The following KCNH7 variants were observed in gnomAD, a reference collection of about 807,000 sequenced individuals.
The protein encoded by KCNH7 is voltage-gated inwardly rectifying potassium channel KCNH7.
KCNH7 carries 49 observed loss-of-function variants against 120.8 expected under a neutral mutation model. The ratio of observed to expected loss-of-function variants is 0.41; its 90% CI spans 0.32 to 0.51. KCNH7 has a LOEUF of 0.51. Among genes scored for constraint, KCNH7 ranks in the 20% least tolerant of loss-of-function variants. KCNH7 has a pLI of 0.38. For missense variants in KCNH7, 1,097 were observed against 1,446.6 expected (o/e 0.76, Z 3.92); for synonymous variants, 547 against 516.1 (o/e 1.06, Z -0.81).
At chr2:162,773,578 GTTAAC>G (rs1407342884) in intron 2 of KCNH7, among the ~76,000 whole-genome samples, 4 of 148,348 alleles carry the variant, frequency 2.7e-5, no homozygotes, top group African/African-American at 7.7e-5. Context: ...TAAAAATAGT[GTTAAC>G]TTATGACTCA....
chr2:162,379,784 G>C, intron 14 of KCNH7, 69 bp downstream of exon 14: 1 of 1,448,284 alleles, frequency 6.9e-7, no homozygotes, highest in Non-Finnish European at 9.4e-7. Context: ...TTTTCCATTT[G>C]TAAGGAGTAA....
chr2:162,721,003 G>A (rs183240167), intron 2 of KCNH7, among the ~76,000 whole-genome samples: 13 of 152,052 alleles, frequency 8.5e-5, no homozygotes, highest in South Asian at 2.1e-4. Flanking sequence ...CCTGAGGTGC[G>A]GTGCTTGCAG....
intron 7 of KCNH7, among the ~76,000 whole-genome samples, chr2:162,443,463 G>T (rs1170947003): frequency 6.6e-6 from 1 of 152,092 alleles, no homozygotes; most frequent in African/African-American, 2.4e-5. Flanking sequence ...CTTCACCAAA[G>T]AAATGTTTCA....
intron 2 of KCNH7, among the ~76,000 whole-genome samples, chr2:162,834,155 A>C (rs1685571880): frequency 6.6e-6 from 1 of 152,192 alleles, no homozygotes; most frequent in South Asian, 2.1e-4. Context: ...AGACTATCCA[A>C]GAATTTGTAT....
At chr2:162,614,787 T>A (rs980228906) in intron 2 of KCNH7, among the ~76,000 whole-genome samples, 2 of 150,538 alleles carry the variant, frequency 1.3e-5, no homozygotes, top group African/African-American at 2.4e-5. Context: ...GGATAGTTAC[T>A]TTTTCTAGGT....
chr2:162,822,899 G>T (rs2105596919), intron 2 of KCNH7, among the ~76,000 whole-genome samples: 1 of 152,300 alleles, frequency 6.6e-6, no homozygotes, highest in East Asian at 1.9e-4. Context: ...ACAGCTGGAG[G>T]CAGATGTTTA....
chr2:162,371,740 C>CTA lies in KCNH7; in HGVS notation c.*88_*89insTA. 1.6e-6 allele frequency: 2 copies of CTA among 1,258,784 alleles called. No homozygotes were observed. The highest frequency in any genetic ancestry group is 2.2e-6 in the Non-Finnish European group (2 of 909,422). 78.0% of individuals were successfully genotyped at this position (1,258,784 alleles called of 1,614,324 possible). A position where few individuals can be genotyped will look rare whatever the true frequency, so the allele number is the denominator to read the frequency against. The stretch of plus-strand genomic sequence containing the variant: ...GCATATAATGGTACCTTGTGAGCCC[C>CTA]TGAGTCAAGTAGAGAGGATTTAAAT... On this transcript the variant is annotated 3_prime_UTR_variant, in exon 16 of 16. Coordinates refer to ENST00000332142, the MANE Select transcript of KCNH7 (RefSeq NM_033272.4).
intron 2 of KCNH7, among the ~76,000 whole-genome samples, chr2:162,727,285 T>G (rs1054656602): frequency 6.6e-5 from 10 of 152,136 alleles, no homozygotes; most frequent in African/African-American, 2.4e-4. Flanking sequence ...TTTATTAAGA[T>G]TTTTTTGTCT....
chr2:162,757,641 T>G (rs2105445005), intron 2 of KCNH7, among the ~76,000 whole-genome samples: 1 of 152,262 alleles, frequency 6.6e-6, no homozygotes, highest in Admixed American at 6.5e-5. Context: ...CACAGATACT[T>G]ATTTCTTCAG....
chr2:162,718,118 T>C (rs1687195455), intron 2 of KCNH7, among the ~76,000 whole-genome samples: 1 of 151,936 alleles, frequency 6.6e-6, no homozygotes, highest in African/African-American at 2.4e-5. Flanking sequence ...GGAAGGCTTA[T>C]AAAGAATTTG....
At chr2:162,444,822 G>A (rs1447107355) in intron 7 of KCNH7, among the ~76,000 whole-genome samples, 1 of 151,954 alleles carries the variant, frequency 6.6e-6, no homozygotes, top group Non-Finnish European at 1.5e-5. Flanking sequence ...CCCAAAGTTA[G>A]GAGTAGCTAA....
At chr2:162,456,640 G>T (rs573074055) in intron 6 of KCNH7, among the ~76,000 whole-genome samples, 2 of 152,202 alleles carry the variant, frequency 1.3e-5, no homozygotes, top group South Asian at 4.1e-4. Context: ...GGGAGTCTAA[G>T]TCTCTTTGTA....
intron 2 of KCNH7, among the ~76,000 whole-genome samples, chr2:162,735,503 C>G (rs2105399342): frequency 6.6e-6 from 1 of 152,274 alleles, no homozygotes; most frequent in South Asian, 2.1e-4. Flanking sequence ...TAGATAATGT[C>G]ACTATTGCAA....
chr2:162,658,523 T>G (rs1684849090), intron 2 of KCNH7, among the ~76,000 whole-genome samples: 1 of 152,172 alleles, frequency 6.6e-6, no homozygotes, highest in Non-Finnish European at 1.5e-5. Context: ...TTGATATTTA[T>G]ATCAACAAAT....
At chr2:162,708,996 A>G (rs1686823852) in intron 2 of KCNH7, among the ~76,000 whole-genome samples, 1 of 152,106 alleles carries the variant, frequency 6.6e-6, no homozygotes, top group Non-Finnish European at 1.5e-5. Flanking sequence ...AATTATACAA[A>G]TGAAAGAATC....
At chr2:162,538,102 T>C (rs1692173485) in intron 2 of KCNH7, 2 of 152,114 alleles carry the variant, frequency 1.3e-5, no homozygotes, top group Non-Finnish European at 2.9e-5. Flanking sequence ...CAGAAGGTGT[T>C]CTTAATCATT....
intron 6 of KCNH7, among the ~76,000 whole-genome samples, chr2:162,453,123 A>G (rs1033514485): frequency 1.3e-5 from 2 of 151,762 alleles, no homozygotes; most frequent in African/African-American, 2.4e-5. Flanking sequence ...CCCTACCCCA[A>G]CAGGCCTCTG....
intron 2 of KCNH7, among the ~76,000 whole-genome samples, chr2:162,731,232 A>ATG (rs35948876): frequency 1.7e-3 from 241 of 143,320 alleles, no homozygotes; most frequent in Middle Eastern, 3.6e-3. Flanking sequence ...ATATATATAT[A>ATG]TGTGTGTGTG....
At chr2:162,461,569 TG>T (rs1389957448) in intron 6 of KCNH7, among the ~76,000 whole-genome samples, 1 of 152,222 alleles carries the variant, frequency 6.6e-6, no homozygotes, top group Non-Finnish European at 1.5e-5. Context: ...GGTGTGACCT[TG>T]GAGCAAGTCA....
Sources: allele counts gnomAD v4.1 joint callset (sites outside exome capture counted in the v4.1 genomes callset), GRCh38; gene constraint gnomAD v4.1.1; transcripts MANE v1.5; gene names NCBI Gene and HGNC (gene_info 2026-07-23, HGNC 2026-07-21).